ZNF780A: variants seen among roughly 807,000 people sequenced by gnomAD.
The protein encoded by ZNF780A is zinc finger protein 780A.
A neutral mutation model predicts 56.7 loss-of-function variants in ZNF780A; 40 were observed. The ratio of observed to expected loss-of-function variants is 0.71; its 90% confidence interval spans 0.55 to 0.92. ZNF780A has a LOEUF of 0.92. Among genes scored for constraint, ZNF780A ranks in the 40% least tolerant of loss-of-function variants. ZNF780A has a pLI of 0.00. For missense variants in ZNF780A, 672 were observed against 783.3 expected, an observed-to-expected ratio of 0.86 and a Z score of 1.70; for synonymous variants, 231 against 248.3, an observed-to-expected ratio of 0.93 and a Z score of 0.66.
Position 40,074,243 on chromosome 19 carries a change from G to A in ZNF780A, c.*273C>T, listed in dbSNP as rs1973945730. ...CAGCAAGCTGTGTCAGAAAACTGAAGGCCTTTCCACATTCTTTACATTCAA... is the reference window on the plus strand; with the variant it reads ...CAGCAAGCTGTGTCAGAAAACTGAAAGCCTTTCCACATTCTTTACATTCAA... On this transcript the variant is annotated 3_prime_UTR_variant, in exon 6 of 6. Transcript: ENST00000683561. 6 of 1,453,056 alleles carry A rather than the reference G, an allele frequency of 4.1e-6. No homozygotes were observed. The highest frequency in any genetic ancestry group is 5.5e-6 in the Non-Finnish European group (6 of 1,098,140). The allele number at this position is 1,453,056 out of a possible 1,614,324, so 90.0% of individuals were successfully genotyped here.
At chr19:40,090,020 G>A (rs977155533) in intron 2 of ZNF780A, 146 bp downstream of exon 2, 1 of 152,154 alleles carries the variant, frequency 6.6e-6, no homozygotes, top group Admixed American at 6.5e-5. Flanking sequence ...TTGCCAAATT[G>A]TTTTGTGACT....
At chr19:40,070,502 A>G (rs1973783850), downstream of ZNF780A, 1 of 152,196 alleles carries the variant, frequency 6.6e-6, no homozygotes, top group South Asian at 2.1e-4. Context: ...AATTACCAAA[A>G]CTGTGAAGCA....
At chr19:40,073,003 A>G, downstream of ZNF780A, 1 of 1,534,784 alleles carries the variant, frequency 6.5e-7, no homozygotes, top group Non-Finnish European at 8.8e-7. Context: ...GATATTACAG[A>G]ATTATGAATA....
At chr19:40,079,876 A>C (rs1464482100) in intron 5 of ZNF780A, among the ~76,000 whole-genome samples, 1 of 152,188 alleles carries the variant, frequency 6.6e-6, no homozygotes, top group Admixed American at 6.5e-5. Context: ...TACATTGAAA[A>C]AGCAGAAAGA....
intron 2 of ZNF780A, chr19:40,089,132 C>T (rs1974984785): frequency 1.0e-5 from 9 of 858,102 alleles, no homozygotes; most frequent in Non-Finnish European, 1.3e-5. Flanking sequence ...CAATTAATAA[C>T]AATATTCTGT....
At chr19:40,084,297 C>T (rs1425032880) in intron 3 of ZNF780A, among the ~76,000 whole-genome samples, 1 of 152,144 alleles carries the variant, frequency 6.6e-6, no homozygotes, top group East Asian at 1.9e-4. Flanking sequence ...TTCCTAAAAG[C>T]CTCATAAAGC....
Position 40,075,431 on chromosome 19 carries a change from T to G in ZNF780A, c.1011A>C (p.Glu337Asp). ...HTGEKPFECK[E>D]CGKAFTLLTK... ...TCAGAAGAGTAAACGCCTTTCCACATTCTTTACATTCAAAGGGTTTCTCAC... is the reference window on the plus strand; with the variant it reads ...TCAGAAGAGTAAACGCCTTTCCACAGTCTTTACATTCAAAGGGTTTCTCAC... Residue 337 changes from glutamate to aspartate, a missense_variant, in exon 6 of 6, where the codon GAA becomes GAC. By Grantham distance (45) the Glu-to-Asp change is conservative. Coordinates refer to ENST00000683561, the MANE Select transcript of ZNF780A (RefSeq NM_001142578.2). The G allele has an allele frequency of 1.2e-6, 2 of 1,613,972 alleles. No individual in the cohort carries two copies. Among genetic ancestry groups the G allele is most frequent in the Non-Finnish European group, 1.7e-6 (2 of 1,179,992 alleles).
At chr19:40,088,811 CA>C (rs1212434418) in intron 2 of ZNF780A, among the ~76,000 whole-genome samples, 7 of 152,098 alleles carry the variant, frequency 4.6e-5, no homozygotes, top group African/African-American at 1.7e-4. Context: ...TATATTTACA[CA>C]AGGGAATACT....
At position 40,074,873 on chromosome 19, in the gene ZNF780A, G is replaced by T; in HGVS notation, c.1569C>A (p.His523Gln). Residue 523 changes from histidine (H) to glutamine (Q), a missense_variant, in exon 6 of 6, where the codon CAC becomes CAA. By Grantham distance (24) the His-to-Gln change is conservative. Coordinates refer to ENST00000683561, the MANE Select transcript of ZNF780A (RefSeq NM_001142578.2). ...TACATTCAAATGGTTTTTCACCTGT[G>T]TGAGTTTTCTGATGTTGGGAAAGTT... ...YLQLSQHQKT[H>Q]TGEKPFECKE... 2 of 1,614,014 alleles carry T rather than the reference G, an allele frequency of 1.2e-6. No homozygotes were observed. The highest frequency in any genetic ancestry group is 2.2e-5 in the South Asian group (2 of 91,070).
intron 5 of ZNF780A, 53 bp downstream of exon 5, chr19:40,081,766 G>A: frequency 2.7e-6 from 4 of 1,460,634 alleles, no homozygotes; most frequent in Non-Finnish European, 3.8e-6. Flanking sequence ...TCCTTTCTGA[G>A]CACATGTCCA....
rs80221588 is a variant in ZNF780A at position 40,082,189 on chromosome 19, C to A, written c.137-275G>T. 6.7e-3 allele frequency among the ~76,000 whole-genome samples: 1,014 copies of A among 152,194 alleles called. 5 individuals are homozygous for A. Among genetic ancestry groups the A allele is most frequent in the Non-Finnish European group, 0.012 (792 of 68,012 alleles). On this transcript the variant is annotated intron_variant, in intron 4 of 5. Transcript: ENST00000683561. ...TCAATCCAGACTGCCAGGTTCAAAT[C>A]CTATCTCTGCTACTCACTAGCAGTA...
downstream of ZNF780A, chr19:40,072,165 G>A: frequency 4.1e-6 from 1 of 241,212 alleles, no homozygotes; most frequent in Non-Finnish European, 8.2e-6. Context: ...CCCTGGACCG[G>A]CCTGCTAGCC....
At chr19:40,090,461 G>C (rs1350346896) in intron 1 of ZNF780A, 4 of 152,212 alleles carry the variant, frequency 2.6e-5, no homozygotes, top group Admixed American at 2.0e-4. Context: ...GCCCCCCTGG[G>C]GAACACTCGG....
At position 40,082,476 on chromosome 19, in the gene ZNF780A, C is replaced by A. The variant is rs187114121; in HGVS notation, c.137-562G>T. On this transcript the variant is annotated intron_variant, in intron 4 of 5. Coordinates refer to ENST00000683561, the MANE Select transcript of ZNF780A (RefSeq NM_001142578.2). ...AATACATAAACTCCATGGTCTGAAA[C>A]TTTCAACTGCAAAACAATGGAATGT... 2.6e-3 allele frequency among the ~76,000 whole-genome samples: 396 copies of A among 152,258 alleles called. 3 individuals carry two copies. Among genetic ancestry groups the A allele is most frequent in the African/African-American group, 9.2e-3 (381 of 41,544 alleles).
downstream of ZNF780A, chr19:40,070,220 A>G (rs1171478723): frequency 2.0e-5 from 3 of 152,236 alleles, no homozygotes; most frequent in African/African-American, 7.2e-5. Flanking sequence ...CCAGTTAGAT[A>G]TATAATAGAC....
chr19:40,078,912 TAAAAGA>T (rs1424139169), intron 5 of ZNF780A, among the ~76,000 whole-genome samples: 1 of 151,410 alleles, frequency 6.6e-6, no homozygotes, highest in Non-Finnish European at 1.5e-5. Context: ...TGATGAAAAA[TAAAAGA>T]GAAAGAAAGG....
chr19:40,077,116 A>G (rs530368740), intron 5 of ZNF780A, among the ~76,000 whole-genome samples: 52 of 152,194 alleles, frequency 3.4e-4, no homozygotes, highest in African/African-American at 1.3e-3. Flanking sequence ...CACTAATACT[A>G]GTACCAGCAT....
Position 40,074,747 on chromosome 19 carries a change from G to A in ZNF780A, c.1695C>T (p.Ala565=). The part of the protein sequence containing the change: ...KPFECKECGK[A]FRLHMHLIRH... ...GAATAAGGTGCATATGAAGTCGAAA[G>A]GCTTTCCCACATTCCTTACATTCAA... The change falls in exon 6 of 6, where the codon GCC becomes GCT. Residue 565 remains alanine, a synonymous_variant. Transcript: ENST00000683561. 1 of 1,614,098 alleles carries A rather than the reference G, an allele frequency of 6.2e-7. No homozygotes were observed. The highest frequency in any genetic ancestry group is 8.5e-7 in the Non-Finnish European group (1 of 1,180,016).
Position 40,074,379 on chromosome 19 carries a change from G to A in ZNF780A, c.*137C>T. ...AGTTTCTCACTGGAATGAATTTTCT[G>A]ATGCTGAATAACGTTTGAACCACAA... On this transcript the variant is annotated 3_prime_UTR_variant, in exon 6 of 6. Transcript: ENST00000683561. 6.5e-7 allele frequency: 1 copy of A among 1,536,342 alleles called. No homozygotes were observed. Among genetic ancestry groups the A allele is most frequent in the Non-Finnish European group, 8.7e-7 (1 of 1,146,458 alleles).
Sources: allele counts gnomAD v4.1 joint callset (sites outside exome capture counted in the v4.1 genomes callset), GRCh38; gene constraint gnomAD v4.1.1; transcripts MANE v1.5; gene names NCBI Gene and HGNC (gene_info 2026-07-23, HGNC 2026-07-21).